PRELID2: variants seen among roughly 807,000 people sequenced by gnomAD.
The protein encoded by PRELID2 is PRELI domain-containing protein 2.
Under a neutral mutation model 28.4 loss-of-function variants are expected in PRELID2, and 25 were observed. The ratio of observed to expected loss-of-function variants is 0.88; its 90% CI spans 0.64 to 1.23. PRELID2 has a LOEUF of 1.23. PRELID2 is among the 50% of genes most tolerant of loss of function. The probability of loss-of-function intolerance (pLI) is 0.00; values close to 1 mark genes in which losing one functional copy is unlikely to be tolerated. For missense variants in PRELID2, 201 were observed against 214.4 expected (o/e 0.94, Z 0.39); for synonymous variants, 76 against 71.6 (o/e 1.06, Z -0.31).
At chr5:145,511,385 C>T (rs1752459821) in intron 1 of PRELID2, among the ~76,000 whole-genome samples, 1 of 152,206 alleles carries the variant, frequency 6.6e-6, no homozygotes, top group African/African-American at 2.4e-5. Context: ...CAAAGTTATC[C>T]TCACTACACA....
chr5:145,720,900 GC>G (rs1378986534), intron 1 of PRELID2, among the ~76,000 whole-genome samples: 1 of 151,940 alleles, frequency 6.6e-6, no homozygotes, highest in Non-Finnish European at 1.5e-5. Flanking sequence ...ACACTTCTAA[GC>G]TTTTTGAGGA....
chr5:145,395,411 T>C, the PRELID2 span, among the ~76,000 whole-genome samples: 2 of 152,090 alleles, frequency 1.3e-5, no homozygotes, highest in African/African-American at 4.8e-5. Flanking sequence ...TTCGGCTCTA[T>C]CCCAACTTAA....
the PRELID2 span, among the ~76,000 whole-genome samples, chr5:145,403,339 G>T: frequency 6.6e-6 from 1 of 152,072 alleles, no homozygotes; most frequent in Non-Finnish European, 1.5e-5. Flanking sequence ...GGAGTTCAAG[G>T]CCAGCCTGGG....
intron 1 of PRELID2, among the ~76,000 whole-genome samples, chr5:145,591,320 C>T (rs1443742812): frequency 6.6e-6 from 1 of 151,826 alleles, no homozygotes; most frequent in Non-Finnish European, 1.5e-5. Flanking sequence ...AATTGAGACC[C>T]ACATTGATTT....
the PRELID2 span, among the ~76,000 whole-genome samples, chr5:145,338,952 T>G: frequency 6.6e-6 from 1 of 152,220 alleles, no homozygotes; most frequent in African/African-American, 2.4e-5. Flanking sequence ...TAGATACTAA[T>G]TTTAGTCATA....
intron 1 of PRELID2, among the ~76,000 whole-genome samples, chr5:145,529,768 T>C (rs1752639816): frequency 6.6e-6 from 1 of 152,092 alleles, no homozygotes; most frequent in South Asian, 2.1e-4. Context: ...TGCTTTAGAT[T>C]GGGTGTTCAC....
chr5:145,249,937 GTCTCTC>G, the PRELID2 span, among the ~76,000 whole-genome samples: 17 of 138,698 alleles, frequency 1.2e-4, no homozygotes, highest in South Asian at 2.4e-4. Context: ...CTCTCTCTCT[GTCTCTC>G]TCTCTCTCTC....
At chr5:145,772,913 A>T (rs1344493188) in intron 5 of PRELID2, among the ~76,000 whole-genome samples, 1 of 152,242 alleles carries the variant, frequency 6.6e-6, no homozygotes, top group Non-Finnish European at 1.5e-5. Context: ...ATGTTTTTTC[A>T]ATTAGAAATA....
At chr5:145,765,729 T>C (rs1206142107) in intron 5 of PRELID2, among the ~76,000 whole-genome samples, 1 of 152,166 alleles carries the variant, frequency 6.6e-6, no homozygotes, top group African/African-American at 2.4e-5. Context: ...TGTTCCTGAG[T>C]GCGCACTACA....
intron 1 of PRELID2, among the ~76,000 whole-genome samples, chr5:145,623,984 G>GT (rs149366481): frequency 0.02 from 3,066 of 152,250 alleles, 114 homozygotes; most frequent in African/African-American, 0.07. Context: ...ATGACCAGCT[G>GT]TAAGTTCAGG....
At chr5:145,563,273 C>G (rs1478977582) in intron 1 of PRELID2, among the ~76,000 whole-genome samples, 1 of 152,192 alleles carries the variant, frequency 6.6e-6, no homozygotes, top group Non-Finnish European at 1.5e-5. Flanking sequence ...TGGGGAACCA[C>G]CCACAGACGG....
chr5:145,328,036 T>C, the PRELID2 span, among the ~76,000 whole-genome samples: 1 of 152,130 alleles, frequency 6.6e-6, no homozygotes, highest in Non-Finnish European at 1.5e-5. Context: ...CATGTGGTGT[T>C]TGGTTTTCTG....
chr5:145,521,175 T>A (rs1363435802), intron 1 of PRELID2, among the ~76,000 whole-genome samples: 1 of 152,198 alleles, frequency 6.6e-6, no homozygotes. Context: ...GTTGCTGAGA[T>A]CCTAGTCATT....
intron 1 of PRELID2, among the ~76,000 whole-genome samples, chr5:145,607,885 T>C (rs190923346): frequency 1.3e-5 from 2 of 152,332 alleles, no homozygotes; most frequent in Non-Finnish European, 2.9e-5. Context: ...TTAAGTCTCT[T>C]CATAGGTGTC....
At chr5:145,367,220 C>T in the PRELID2 span, among the ~76,000 whole-genome samples, 1 of 151,846 alleles carries the variant, frequency 6.6e-6, no homozygotes, top group Non-Finnish European at 1.5e-5. Flanking sequence ...TATAAAGTTT[C>T]ACATCCTTTC....
chr5:145,672,145 C>T (rs1354867858), intron 1 of PRELID2, among the ~76,000 whole-genome samples: 1 of 152,116 alleles, frequency 6.6e-6, no homozygotes, highest in East Asian at 1.9e-4. Context: ...CTATAACATC[C>T]CCTCTTGCCC....
At chr5:145,733,869 GT>G (rs1756419338) in intron 1 of PRELID2, among the ~76,000 whole-genome samples, 1 of 152,158 alleles carries the variant, frequency 6.6e-6, no homozygotes, top group Non-Finnish European at 1.5e-5. Flanking sequence ...TTATAATGAA[GT>G]TGGGAATCTT....
chr5:145,346,151 A>T, the PRELID2 span, among the ~76,000 whole-genome samples: 1 of 152,130 alleles, frequency 6.6e-6, no homozygotes, highest in Non-Finnish European at 1.5e-5. Flanking sequence ...TGTGAAGCAA[A>T]GGGATTGAGT....
At chr5:145,833,473 C>T (rs1581310755) in intron 1 of PRELID2, among the ~76,000 whole-genome samples, 1 of 152,266 alleles carries the variant, frequency 6.6e-6, no homozygotes, top group South Asian at 2.1e-4. Flanking sequence ...AGAAGCCTGG[C>T]CTAAGGCAAA....
Sources: allele counts gnomAD v4.1 joint callset (sites outside exome capture counted in the v4.1 genomes callset), GRCh38; gene constraint gnomAD v4.1.1; transcripts MANE v1.5; gene names NCBI Gene and HGNC (gene_info 2026-07-23, HGNC 2026-07-21).